Variants in NFIX observed in about 807,000 individuals in gnomAD.
NFIX encodes nuclear factor I X.
Under a neutral mutation model 53.3 loss-of-function variants are expected in NFIX, and 2 were observed. The observed-to-expected ratio is 0.04, with a 90% CI of 0.02 to 0.12. NFIX has a LOEUF of 0.12. Ranked by LOEUF, NFIX falls within the 10% of genes least tolerant of loss-of-function variation. NFIX has a pLI of 1.00. For missense variants in NFIX, 310 were observed against 674.5 expected (o/e 0.46, Z 5.99); for synonymous variants, 244 against 289.0 (o/e 0.84, Z 1.58).
At chr19:13,046,474 C>T (rs369049330) in intron 2 of NFIX, among the ~76,000 whole-genome samples, 3 of 151,914 alleles carry the variant, frequency 2.0e-5, no homozygotes, top group African/African-American at 4.8e-5. Context: ...TTCCCCCCCC[C>T]TCTTTTTTTT....
intron 2 of NFIX, among the ~76,000 whole-genome samples, chr19:13,034,472 T>A (rs2014038774): frequency 6.6e-6 from 1 of 151,978 alleles, no homozygotes; most frequent in Non-Finnish European, 1.5e-5. Context: ...TCTTTTCATA[T>A]CTCCCTGGAG....
rs375287066 is a variant in NFIX, at chr19:13,090,358, G to C, written c.1462G>C (p.Gly488Arg). The C allele has an allele frequency of 2.5e-6, 4 of 1,613,828 alleles. No individual in the cohort carries two copies. Among genetic ancestry groups the C allele is most frequent in the Non-Finnish European group, 3.4e-6 (4 of 1,179,894 alleles). ...GTTTGTCAGCATCGGACCCCGGGAC[G>C]GCAACTTTCTGAACATCCCACAGCA... ...NRFVSIGPRD[G>R]NFLNIPQQSQ... is the part of the protein sequence containing the mutation. The change falls in exon 10 of 11, where the codon GGC (glycine) becomes CGC (arginine). Residue 488 changes from glycine to arginine, a missense_variant. Around this residue, in one of 5 missense-constraint regions of NFIX, gnomAD observed 44 missense variants for 73.4 expected, o/e 0.60. Coordinates refer to ENST00000592199, the MANE Select transcript of NFIX (RefSeq NM_001365902.3). The surrounding 1 kb of genome is among the most constrained non-coding windows in gnomAD (Gnocchi z 6.6).
intron 2 of NFIX, among the ~76,000 whole-genome samples, chr19:13,042,002 A>C (rs1010636498): frequency 6.6e-6 from 1 of 151,378 alleles, no homozygotes; most frequent in South Asian, 2.1e-4. Flanking sequence ...GATTCACGCC[A>C]TTCTGCTGCC....
At chr19:13,087,002 C>T (rs1002502412) in intron 8 of NFIX, among the ~76,000 whole-genome samples, 5 of 152,216 alleles carry the variant, frequency 3.3e-5, no homozygotes, top group African/African-American at 1.2e-4. Context: ...AGGAGAGGTG[C>T]TGGTTTAGGA....
rs542929804 is a variant in NFIX, at chr19:13,052,623, A to G, written c.560-20424A>G. 6.6e-6 allele frequency among the ~76,000 whole-genome samples: 1 copy of G among 152,314 alleles called. No homozygotes were observed. The highest frequency in any genetic ancestry group is 2.1e-4 in the South Asian group (1 of 4,830). ...TCTCTCAGAGAAACAGTCACATGTC[A>G]GACATGTGCCCTTTCTTGGGCTGAA... On this transcript the variant is annotated intron_variant, in intron 2 of 10. Coordinates refer to ENST00000592199, the MANE Select transcript of NFIX (RefSeq NM_001365902.3). This position sits in a 1 kb window ranked among gnomAD's most constrained non-coding sequence, Gnocchi z 5.2.
At position 13,025,467 on chromosome 19, in the gene NFIX, C is replaced by A; in HGVS notation, c.474C>A (p.Asn158Lys). ...TCTACAAGTCGCCTCAGTGCTCGAA[C>A]CCCGGCCTGTGCGTCCAGCCACATC... ...ERLYKSPQCS[N>K]PGLCVQPHHI... The change falls in exon 2 of 11, where the codon AAC (asparagine) becomes AAA (lysine). Residue 158 changes from asparagine (N) to lysine (K), a missense_variant. Transcript: ENST00000592199. The surrounding 1 kb of genome is among the most constrained non-coding windows in gnomAD (Gnocchi z 7.5). The A allele has an allele frequency of 1.9e-6, 3 of 1,614,068 alleles. No homozygotes were observed. The highest frequency in any genetic ancestry group is 2.5e-6 in the Non-Finnish European group (3 of 1,179,898).
At position 13,088,395 on chromosome 19, in the gene NFIX, G is replaced by C. The variant is rs1384145496; in HGVS notation, c.1402+259G>C. ...GCCCAGGCCCCTCTGGGGGGCGGGA[G>C]GGAGAGCACAGCTGGGGCGCGCAGG... On this transcript the variant is annotated intron_variant, in intron 9 of 10. Transcript: ENST00000592199. The surrounding 1 kb of genome is among the most constrained non-coding windows in gnomAD (Gnocchi z 5.9). Among the ~76,000 whole-genome samples the C allele has an allele frequency of 6.6e-6, 1 of 152,062 alleles. No individual in the cohort carries two copies. Among genetic ancestry groups the C allele is most frequent in the South Asian group, 2.1e-4 (1 of 4,830 alleles).
At chr19:13,086,431 G>A (rs184496045) in intron 8 of NFIX, among the ~76,000 whole-genome samples, 1 of 152,310 alleles carries the variant, frequency 6.6e-6, no homozygotes, top group African/African-American at 2.4e-5. Flanking sequence ...GGTGACTTAG[G>A]ATAAACCATT....
chr19:13,023,592 G>A (rs542097602), intron 1 of NFIX, among the ~76,000 whole-genome samples: 3 of 151,336 alleles, frequency 2.0e-5, no homozygotes, highest in African/African-American at 7.3e-5. Flanking sequence ...GGGAGATGGT[G>A]GGAGGCTGGT....
Position 13,025,043 on chromosome 19 carries a change from A to C in NFIX, c.50A>C (p.Glu17Ala), listed in dbSNP as rs1224895943. The C allele has an allele frequency of 6.2e-7, 1 of 1,611,868 alleles. No individual in the cohort carries two copies. Among genetic ancestry groups the C allele is most frequent in the Non-Finnish European group, 8.5e-7 (1 of 1,178,902 alleles). The change falls in exon 2 of 11, where the codon GAG becomes GCG. Residue 17 changes from glutamate (E) to alanine (A), a missense_variant. Around this residue, in one of 5 missense-constraint regions of NFIX, gnomAD observed 64 missense variants for 144.5 expected, o/e 0.44. Coordinates refer to ENST00000592199, the MANE Select transcript of NFIX (RefSeq NM_001365902.3). This position sits in a 1 kb window ranked among gnomAD's most constrained non-coding sequence, Gnocchi z 7.5. ...CAGGATGAGTTCCACCCGTTCATCG[A>C]GGCACTGCTGCCTCACGTCCGCGCT... ...LTQDEFHPFI[E>A]ALLPHVRAFS...
intron 2 of NFIX, among the ~76,000 whole-genome samples, chr19:13,053,214 G>A (rs75390960): frequency 0.016 from 2,417 of 152,254 alleles, 34 homozygotes; most frequent in African/African-American, 0.033. Flanking sequence ...GGCTGGCTGA[G>A]GGAGCACCCT....
intron 2 of NFIX, among the ~76,000 whole-genome samples, chr19:13,033,790 G>A (rs1159735374): frequency 1.3e-5 from 2 of 152,224 alleles, no homozygotes; most frequent in Non-Finnish European, 2.9e-5. Context: ...CATAATATGT[G>A]TAGTGAGGAA....
At chr19:13,039,393 C>G (rs1453782616) in intron 2 of NFIX, among the ~76,000 whole-genome samples, 1 of 152,156 alleles carries the variant, frequency 6.6e-6, no homozygotes, top group African/African-American at 2.4e-5. Flanking sequence ...TATAATTACT[C>G]AGATGCCAGC....
chr19:13,084,703 G>T (rs1370100209), intron 8 of NFIX, among the ~76,000 whole-genome samples: 1 of 152,186 alleles, frequency 6.6e-6, no homozygotes, highest in African/African-American at 2.4e-5. Flanking sequence ...CCGGGAGGCA[G>T]GATGCCTGGT....
At position 13,096,772 on chromosome 19, in the gene NFIX, G is replaced by A. The variant is rs2018489387; in HGVS notation, c.*2123G>A. ...GCTCGGGCTCTGTGGGACTGTGGGA[G>A]CTAGGGTCTGCGGGGCGCCTGCCCG... On this transcript the variant is annotated 3_prime_UTR_variant, in exon 11 of 11. Transcript: ENST00000592199. 1 of 151,980 alleles carries A rather than the reference G, an allele frequency of 6.6e-6. No homozygotes were observed. Among genetic ancestry groups the A allele is most frequent in the Admixed American group, 6.5e-5 (1 of 15,276 alleles). The allele number at this position is 151,980 out of a possible 1,614,324, so 9.4% of individuals were successfully genotyped here.
chr19:13,080,986 C>T lies in NFIX; in HGVS notation c.1079-694C>T, dbSNP rs1254077771. ...CTGCACTCCAGCCTGGGTGAGAGAG[C>T]GAGACTCAGTCTCAAAAAAAAAAAT... On this transcript the variant is annotated intron_variant, in intron 7 of 10. Coordinates refer to ENST00000592199, the MANE Select transcript of NFIX (RefSeq NM_001365902.3). Among the ~76,000 whole-genome samples, 4 of 146,394 alleles carry T rather than the reference C, an allele frequency of 2.7e-5. No individual in the cohort carries two copies. The South Asian group carries it at 6.5e-4, about 24-fold the overall frequency.
chr19:13,057,810 C>CTCCCTCCCTT (rs3046160), intron 2 of NFIX, among the ~76,000 whole-genome samples: 1 of 45,938 alleles, frequency 2.2e-5, no homozygotes, highest in Admixed American at 2.7e-4. Flanking sequence ...GGAAGGCAGC[C>CTCCCTCCCTT]CCTCCCTTCC....
At chr19:12,997,819 G>A (rs1460058043) in intron 1 of NFIX, among the ~76,000 whole-genome samples, 1 of 152,234 alleles carries the variant, frequency 6.6e-6, no homozygotes, top group Non-Finnish European at 1.5e-5. Flanking sequence ...GGCTAGGAAG[G>A]GGCTGGGGCG....
chr19:13,017,285 A>G (rs1450124670), intron 1 of NFIX, among the ~76,000 whole-genome samples: 1 of 152,202 alleles, frequency 6.6e-6, no homozygotes, highest in Non-Finnish European at 1.5e-5. Context: ...ACACCAGGGA[A>G]ATGTGGATTC....
Sources: allele counts gnomAD v4.1 joint callset (sites outside exome capture counted in the v4.1 genomes callset), GRCh38; gene constraint gnomAD v4.1.1; regional missense constraint gnomAD v4.1.1; non-coding constraint Gnocchi (gnomAD v3.1); transcripts MANE v1.5; gene names NCBI Gene and HGNC (gene_info 2026-07-23, HGNC 2026-07-21).